The following FAM83B variants were observed in gnomAD, a reference collection of about 807,000 sequenced individuals.
The protein encoded by FAM83B is protein FAM83B.
FAM83B carries 26 observed loss-of-function variants against 38.8 expected under a neutral mutation model. The observed-to-expected ratio is 0.67, with a 90% CI of 0.49 to 0.93. The LOEUF is 0.93. FAM83B is among the 40% of genes least tolerant of loss of function. The pLI is 0.00. For missense variants in FAM83B, 1,237 were observed against 1,197.3 expected, an observed-to-expected ratio of 1.03 and a Z score of -0.49; for synonymous variants, 419 against 423.1, an observed-to-expected ratio of 0.99 and a Z score of 0.12.
At chr6:54,862,217 G>A (rs1771601558) in intron 1 of FAM83B, among the ~76,000 whole-genome samples, 1 of 152,200 alleles carries the variant, frequency 6.6e-6, no homozygotes, top group Non-Finnish European at 1.5e-5. Context: ...TGGCTAATGG[G>A]AACCTGGCCT....
intron 1 of FAM83B, among the ~76,000 whole-genome samples, chr6:54,852,318 AT>A (rs1334506757): frequency 1.3e-5 from 2 of 152,204 alleles, no homozygotes; most frequent in Admixed American, 6.5e-5. Flanking sequence ...TCTGTGTCAC[AT>A]TTTGATAATT....
chr6:54,926,305 T>G, intron 2 of FAM83B, 66 bp from the exon 3 acceptor site: 1 of 1,077,400 alleles, frequency 9.3e-7, no homozygotes, highest in African/African-American at 1.6e-5. Flanking sequence ...TTACTGAAAG[T>G]AAGCAATTTC....
chr6:54,909,256 C>G (rs1772849279), intron 2 of FAM83B, among the ~76,000 whole-genome samples: 1 of 151,804 alleles, frequency 6.6e-6, no homozygotes, highest in Admixed American at 6.6e-5. Context: ...TACAGGTGTT[C>G]ATGCATAAAA....
At position 54,940,700 on chromosome 6, in the gene FAM83B, C is replaced by A. The variant is rs1352744650; in HGVS notation, c.1729C>A (p.Pro577Thr). The A allele has an allele frequency of 2.5e-6, 4 of 1,613,912 alleles. No individual in the cohort carries two copies. Among genetic ancestry groups the A allele is most frequent in the Non-Finnish European group, 3.4e-6 (4 of 1,179,994 alleles). The change falls in exon 5 of 5, where the codon CCT (proline) becomes ACT (threonine). Residue 577 changes from proline to threonine, a missense_variant. Pro to Thr is a conservative substitution (Grantham distance 38). Transcript: ENST00000306858. ...CATTGGTTCTCAGGGAAGTGAGACA[C>A]CTAAAGAGGTCCCAGACACCCCTAC... ...TIIGSQGSET[P>T]KEVPDTPTNV...
chr6:54,888,236 A>G (rs985344949), intron 2 of FAM83B, among the ~76,000 whole-genome samples: 2 of 151,900 alleles, frequency 1.3e-5, no homozygotes, highest in East Asian at 1.9e-4. Context: ...GGTCATTGTC[A>G]TGAATTCAAT....
intron 1 of FAM83B, among the ~76,000 whole-genome samples, chr6:54,849,792 G>T (rs1419658657): frequency 7.4e-6 from 1 of 135,380 alleles, no homozygotes; most frequent in Non-Finnish European, 1.6e-5. Context: ...CTTTTCAGCT[G>T]TGTCTTAAAT....
Position 54,941,101 on chromosome 6 carries a change from G to T in FAM83B, c.2130G>T (p.Met710Ile). ...ATTTGCTGAAAAGTTCTAAAAGCAT[G>T]CACAATGTGACTCATAACTTGGAGG... ...KEDLLKSSKS[M>I]HNVTHNLEED... The change falls in exon 5 of 5, where the codon ATG becomes ATT. Residue 710 changes from methionine (M) to isoleucine (I), a missense_variant. Coordinates refer to ENST00000306858, the MANE Select transcript of FAM83B (RefSeq NM_001010872.3). 1 of 1,613,458 alleles carries T rather than the reference G, an allele frequency of 6.2e-7. No individual in the cohort carries two copies. Among genetic ancestry groups the T allele is most frequent in the Non-Finnish European group, 8.5e-7 (1 of 1,179,856 alleles).
chr6:54,927,032 C>T (rs892452107), intron 3 of FAM83B, among the ~76,000 whole-genome samples: 2 of 152,104 alleles, frequency 1.3e-5, no homozygotes, highest in African/African-American at 4.8e-5. Flanking sequence ...CGTGCCCGGC[C>T]TTCATGAGGG....
chr6:54,940,326 AAAC>A lies in FAM83B; in HGVS notation c.1361_1363del (p.Thr454del). ...TTTGCCAATCGGCTTGCGCAGAGAA[AAAC>A]AACAAATCTTGCAGACAGGAATTCA... On this transcript the variant is annotated inframe_deletion, in exon 5 of 5. Coordinates refer to ENST00000306858, the MANE Select transcript of FAM83B (RefSeq NM_001010872.3). 2 of 1,614,074 alleles carry A rather than the reference AAAC, an allele frequency of 1.2e-6. No homozygotes were observed. The highest frequency in any genetic ancestry group is 3.3e-4 in the Middle Eastern group (2 of 6,062).
At chr6:54,920,124 G>A (rs1045659058) in intron 2 of FAM83B, among the ~76,000 whole-genome samples, 1 of 151,626 alleles carries the variant, frequency 6.6e-6, no homozygotes, top group African/African-American at 2.4e-5. Flanking sequence ...TCTTACTTAG[G>A]CTATAGAAGG....
intron 2 of FAM83B, among the ~76,000 whole-genome samples, chr6:54,907,948 A>G (rs1189070272): frequency 3.3e-5 from 5 of 152,034 alleles, no homozygotes; most frequent in Non-Finnish European, 5.9e-5. Context: ...ATGATGTAGA[A>G]CTCTGTTATG....
intron 2 of FAM83B, among the ~76,000 whole-genome samples, chr6:54,870,903 A>C (rs1391807462): frequency 6.6e-6 from 1 of 152,218 alleles, no homozygotes; most frequent in African/African-American, 2.4e-5. Context: ...GCTAAAGAAA[A>C]GAGATTTCCT....
intron 1 of FAM83B, among the ~76,000 whole-genome samples, chr6:54,853,651 A>T (rs958470448): frequency 6.6e-6 from 1 of 152,170 alleles, no homozygotes; most frequent in African/African-American, 2.4e-5. Flanking sequence ...GAAAAAAAAG[A>T]TTCCTTTCAA....
intron 2 of FAM83B, among the ~76,000 whole-genome samples, chr6:54,875,154 A>AT (rs1480328758): frequency 6.6e-6 from 1 of 152,108 alleles, no homozygotes; most frequent in African/African-American, 2.4e-5. Flanking sequence ...ATGTTTTCAC[A>AT]TTTTTTAAAT....
chr6:54,939,682 A>C (rs1581934596), intron 4 of FAM83B, 24 bp from the exon 5 acceptor site: 1 of 1,538,206 alleles, frequency 6.5e-7, no homozygotes, highest in South Asian at 1.3e-5. Flanking sequence ...TAAATGATTA[A>C]AATTTTTCCA....
chr6:54,870,487 G>A lies in FAM83B; in HGVS notation c.241G>A (p.Asp81Asn). The change falls in exon 2 of 5, where the codon GAT becomes AAT. Residue 81 changes from aspartate (D) to asparagine (N), a missense_variant. Transcript: ENST00000306858. Reference sequence around the variant, plus strand: ...ACAAAGCACAGCACATGGTACTGATGATTCCTGTGATGATACCTTATCTTC... The same window carrying A: ...ACAAAGCACAGCACATGGTACTGATAATTCCTGTGATGATACCTTATCTTC... ...VAQSTAHGTD[D>N]SCDDTLSSGT... is the part of the protein sequence containing the mutation. 1 of 1,614,040 alleles carries A rather than the reference G, an allele frequency of 6.2e-7. No homozygotes were observed.
intron 2 of FAM83B, among the ~76,000 whole-genome samples, chr6:54,885,063 C>T (rs1478165593): frequency 1.7e-4 from 26 of 152,052 alleles, no homozygotes; most frequent in Admixed American, 1.6e-3. Context: ...TGAGCCACTG[C>T]GCCCGGCCCA....
intron 1 of FAM83B, among the ~76,000 whole-genome samples, chr6:54,856,160 G>T (rs1379477202): frequency 6.6e-6 from 1 of 152,120 alleles, no homozygotes; most frequent in Non-Finnish European, 1.5e-5. Flanking sequence ...TTAGAACTTT[G>T]AGCTGCGAAG....
At chr6:54,884,680 T>TAGA (rs1772226140) in intron 2 of FAM83B, among the ~76,000 whole-genome samples, 1 of 152,120 alleles carries the variant, frequency 6.6e-6, no homozygotes, top group African/African-American at 2.4e-5. Context: ...TGGACTCTAT[T>TAGA]CTAATTCCAT....
Sources: allele counts gnomAD v4.1 joint callset (sites outside exome capture counted in the v4.1 genomes callset), GRCh38; gene constraint gnomAD v4.1.1; transcripts MANE v1.5; gene names NCBI Gene and HGNC (gene_info 2026-07-23, HGNC 2026-07-21).